The following BCL11A variants were observed in gnomAD, a reference collection of about 807,000 sequenced individuals.
BCL11A encodes BCL11 transcription factor A, also known as B cell CLL/lymphoma 11A.
BCL11A carries 2 observed loss-of-function variants against 55.9 expected under a neutral mutation model. The observed-to-expected ratio is 0.04, with a 90% confidence interval of 0.01 to 0.11. The LOEUF is 0.11. Ranked by LOEUF, BCL11A falls within the 10% of genes least tolerant of loss-of-function variation. The pLI, the probability that BCL11A is intolerant of heterozygous loss-of-function variation, is 1.00. For synonymous variants in BCL11A, 465 were observed against 473.4 expected, an observed-to-expected ratio of 0.98 and a Z score of 0.23; for missense variants, 817 against 1,137.1, an observed-to-expected ratio of 0.72 and a Z score of 4.05.
intron 2 of BCL11A, among the ~76,000 whole-genome samples, chr2:60,529,809 T>A (rs749874160): frequency 1.3e-5 from 2 of 152,222 alleles, no homozygotes; most frequent in African/African-American, 2.4e-5. Flanking sequence ...GGAAAAATAT[T>A]TTTTATTGTG....
At chr2:60,485,619 C>T (rs535474758) in intron 2 of BCL11A, among the ~76,000 whole-genome samples, 1 of 152,344 alleles carries the variant, frequency 6.6e-6, no homozygotes, top group African/African-American at 2.4e-5. Flanking sequence ...CGTCACGAAG[C>T]TGCTGAATAT....
chr2:60,461,475 G>A lies in BCL11A; in HGVS notation c.1437C>T (p.Ile479=). ...KFKSENDPNL[I]PENGDEEEEE... ...CTTCCTCCTCGTCCCCGTTCTCCGG[G>A]ATCAGGTTGGGGTCGTTCTCGCTCT... is the stretch of plus-strand genomic sequence containing the variant. The change falls in exon 4 of 4, where the codon ATC becomes ATT. Residue 479 remains isoleucine (I), a synonymous_variant. Transcript: ENST00000642384. 6.2e-7 allele frequency: 1 copy of A among 1,604,660 alleles called. No individual in the cohort carries two copies.
chr2:60,501,546 G>A (rs1347077618), intron 2 of BCL11A, among the ~76,000 whole-genome samples: 2 of 119,186 alleles, frequency 1.7e-5, no homozygotes, highest in East Asian at 2.4e-4. Flanking sequence ...TTTCGCTCTT[G>A]TTGCCCAGGC....
Position 60,553,481 on chromosome 2 carries a change from G to GGAAAAAA in BCL11A, c.-212_-211insTTTTTTC, listed in dbSNP as rs1558533239. Reference sequence around the variant, plus strand: ...GAGAGCCGTCATGGCTTTTTTTTAAGCAAAAAAAAAAAAAAAAAAAAAAAA... The same window carrying GGAAAAAA: ...GAGAGCCGTCATGGCTTTTTTTTAAGGAAAAAACAAAAAAAAAAAAAAAAAAAAAAAA... On this transcript the variant is annotated 5_prime_UTR_variant, in exon 1 of 4. Coordinates refer to ENST00000642384, the MANE Select transcript of BCL11A (RefSeq NM_022893.4). 1.5e-4 allele frequency: 1 copy of GGAAAAAA among 6,670 alleles called. No homozygotes were observed. Among genetic ancestry groups the GGAAAAAA allele is most frequent in the Non-Finnish European group, 2.4e-4 (1 of 4,162 alleles). The allele number at this position is 6,670 out of a possible 1,614,324, so 0.4% of individuals were successfully genotyped here.
At chr2:60,537,242 A>G (rs1669710368) in intron 2 of BCL11A, 1 of 152,224 alleles carries the variant, frequency 6.6e-6, no homozygotes. Flanking sequence ...CAGCCTTTAA[A>G]TCATTCTTCA....
intron 3 of BCL11A, among the ~76,000 whole-genome samples, chr2:60,467,813 C>A (rs941469397): frequency 6.4e-5 from 3 of 46,788 alleles, no homozygotes; most frequent in Admixed American, 4.4e-4. Flanking sequence ...GGTGATGGTA[C>A]TGGTGGTGAT....
intron 1 of BCL11A, among the ~76,000 whole-genome samples, chr2:60,549,191 A>G (rs1391211024): frequency 6.6e-6 from 1 of 152,222 alleles, no homozygotes; most frequent in Non-Finnish European, 1.5e-5. Context: ...GACAGCCTGG[A>G]ACGTCTCAAT....
intron 2 of BCL11A, among the ~76,000 whole-genome samples, chr2:60,514,499 A>T (rs1349014444): frequency 1.7e-5 from 1 of 59,684 alleles, no homozygotes; most frequent in African/African-American, 7.8e-5. Context: ...TCTACTTAAA[A>T]AAAAAAAAAA....
intron 2 of BCL11A, among the ~76,000 whole-genome samples, chr2:60,490,176 C>T (rs1678542529): frequency 6.6e-6 from 1 of 152,240 alleles, no homozygotes; most frequent in South Asian, 2.1e-4. Context: ...GGTCAACCAA[C>T]TCCATCCTCT....
intron 2 of BCL11A, among the ~76,000 whole-genome samples, chr2:60,518,683 A>C (rs373301140): frequency 3.4e-4 from 52 of 152,330 alleles, no homozygotes; most frequent in African/African-American, 1.2e-3. Flanking sequence ...AAGAGTTTTA[A>C]GAGCCTACTC....
At chr2:60,482,290 G>T (rs554269755) in intron 2 of BCL11A, among the ~76,000 whole-genome samples, 8 of 152,274 alleles carry the variant, frequency 5.3e-5, no homozygotes, top group Non-Finnish European at 1.0e-4. Context: ...CGGACAGAAG[G>T]AGGGTGTGCA....
intron 3 of BCL11A, among the ~76,000 whole-genome samples, chr2:60,465,156 C>T (rs371000590): frequency 1.1e-4 from 16 of 152,308 alleles, no homozygotes; most frequent in South Asian, 6.2e-4. Flanking sequence ...TATTATATTA[C>T]AGTGCTCACA....
In BCL11A at chr2:60,546,170, A is replaced by G; in HGVS notation, c.186T>C (p.Ile62=). ...QMNFPLGDIL[I]FIEHKRKQCN... is the part of the protein sequence containing the mutation. ...ATTGTTTCCGTTTGTGCTCGATAAA[A>G]ATAAGAATGTCCCCCAATGGGAAGT... is the stretch of plus-strand genomic sequence containing the variant. The change falls in exon 2 of 4, where the codon ATT becomes ATC. Residue 62 remains isoleucine (I), a synonymous_variant. Transcript: ENST00000642384. This position sits in a 1 kb window ranked among gnomAD's most constrained non-coding sequence, Gnocchi z 4.1. 1 of 1,614,238 alleles carries G rather than the reference A, an allele frequency of 6.2e-7. No homozygotes were observed. The highest frequency in any genetic ancestry group is 8.5e-7 in the Non-Finnish European group (1 of 1,180,038).
At chr2:60,514,482 C>T (rs1243382655) in intron 2 of BCL11A, among the ~76,000 whole-genome samples, 1 of 142,292 alleles carries the variant, frequency 7.0e-6, no homozygotes, top group African/African-American at 2.7e-5. Flanking sequence ...CATGGTGAAA[C>T]CCCATCTCTA....
chr2:60,497,390 C>CT (rs1035658763), intron 2 of BCL11A, among the ~76,000 whole-genome samples: 1 of 152,190 alleles, frequency 6.6e-6, no homozygotes, highest in African/African-American at 2.4e-5. Context: ...TATGAACTGT[C>CT]TTTAAGTTAA....
Position 60,546,465 on chromosome 2 carries a change from G to C in BCL11A, c.56-165C>G. 4 of 649,684 alleles carry C rather than the reference G, an allele frequency of 6.2e-6. No individual in the cohort carries two copies. The highest frequency in any genetic ancestry group is 1.0e-5 in the Non-Finnish European group (4 of 383,486). 40.2% of individuals were successfully genotyped at this position (649,684 alleles called of 1,614,324 possible). A position where few individuals can be genotyped will look rare whatever the true frequency, so the allele number is the denominator to read the frequency against. ...GAGCATACAAAAAGTACAAGGATGT[G>C]AAGGTTATCAACCAGAGAGCAAATT... On this transcript the variant is annotated intron_variant, in intron 1 of 3. Coordinates refer to ENST00000642384, the MANE Select transcript of BCL11A (RefSeq NM_022893.4). This position sits in a 1 kb window ranked among gnomAD's most constrained non-coding sequence, Gnocchi z 4.1.
At chr2:60,469,759 G>C (rs190368879) in intron 2 of BCL11A, among the ~76,000 whole-genome samples, 1 of 152,296 alleles carries the variant, frequency 6.6e-6, no homozygotes, top group East Asian at 1.9e-4. Flanking sequence ...CGGTTTATGT[G>C]GTAAGTGCCT....
chr2:60,504,273 A>G (rs140205073), intron 2 of BCL11A, among the ~76,000 whole-genome samples: 5 of 152,334 alleles, frequency 3.3e-5, no homozygotes, highest in African/African-American at 7.2e-5. Flanking sequence ...TGCAGGATCA[A>G]TGATGAAGAT....
intron 2 of BCL11A, among the ~76,000 whole-genome samples, chr2:60,529,618 A>AG (rs1378084572): frequency 6.8e-6 from 1 of 146,144 alleles, no homozygotes; most frequent in African/African-American, 2.8e-5. Flanking sequence ...GGCGGGCGGG[A>AG]GCGGGGGCAG....
Sources: allele counts gnomAD v4.1 joint callset (sites outside exome capture counted in the v4.1 genomes callset), GRCh38; gene constraint gnomAD v4.1.1; non-coding constraint Gnocchi (gnomAD v3.1); transcripts MANE v1.5; gene names NCBI Gene and HGNC (gene_info 2026-07-23, HGNC 2026-07-21).